ACTB: variants seen among roughly 807,000 people sequenced by gnomAD.
The protein encoded by ACTB is actin, cytoplasmic 1.
A neutral mutation model predicts 30.5 loss-of-function variants in ACTB; 2 were observed. The observed-to-expected ratio is 0.07, with a 90% CI of 0.03 to 0.21. The LOEUF is 0.21. Among genes scored for constraint, ACTB ranks in the 10% least tolerant of loss-of-function variants. ACTB has a pLI of 1.00. For missense variants in ACTB, 56 were observed against 530.0 expected (o/e 0.11, Z 8.78); for synonymous variants, 335 against 217.6 (o/e 1.54, Z -4.75).
chr7:5,528,663 T>C lies in ACTB; in HGVS notation c.420A>G (p.Leu140=), dbSNP rs13447405. The C allele has an allele frequency of 2.7e-4, 430 of 1,613,932 alleles. 1 individual carries two copies. In the African/African-American group the frequency reaches 4.7e-3, roughly 18 times the overall value. Residue 140 remains leucine (L), a synonymous_variant, in exon 4 of 6, where the codon CTA becomes CTG. Transcript: ENST00000646664. The part of the protein sequence containing the change: ...PAMYVAIQAV[L]SLYASGRTTG... ...TGGTACGGCCAGAGGCGTACAGGGA[T>C]AGCACAGCCTGGATAGCAACGTACA...
At position 5,528,526 on chromosome 7, in the gene ACTB, G is replaced by C. The variant is rs763125492; in HGVS notation, c.557C>G (p.Thr186Ser). Residue 186 changes from threonine (T) to serine (S), a missense_variant, in exon 4 of 6, where the codon ACT becomes AGT. Physicochemically the swap from Thr to Ser is moderately conservative, Grantham distance 58. Transcript: ENST00000646664. ...GGTGAGGATCTTCATGAGGTAGTCA[G>C]TCAGGTCCCGGCCAGCCAGGTCCAG... Reference protein sequence around the residue: ...LRLDLAGRDLTDYLMKILTER... With the variant: ...LRLDLAGRDLSDYLMKILTER... 1 of 1,614,064 alleles carries C rather than the reference G, an allele frequency of 6.2e-7. No individual in the cohort carries two copies. Among genetic ancestry groups the C allele is most frequent in the Non-Finnish European group, 8.5e-7 (1 of 1,180,040 alleles).
At chr7:5,528,791 C>A (rs1784818845) in intron 3 of ACTB, 72 bp from the exon 4 acceptor site, 2 of 1,555,128 alleles carry the variant, frequency 1.3e-6, no homozygotes, top group East Asian at 2.2e-5. Context: ...GGGGGACATG[C>A]AGAAAGTGCA....
intron 1 of ACTB, 101 bp from the exon 2 acceptor site, chr7:5,529,764 CCA>C: frequency 6.4e-7 from 1 of 1,570,942 alleles, no homozygotes. Flanking sequence ...CGGCGCGCGC[CCA>C]GATTGGGGAC....
Position 5,527,900 on chromosome 7 carries a change from G to T in ACTB, c.985-9C>A. 6.2e-7 allele frequency: 1 copy of T among 1,612,984 alleles called. No individual in the cohort carries two copies. The highest frequency in any genetic ancestry group is 8.5e-7 in the Non-Finnish European group (1 of 1,179,022). ...TCAGGAGGAGCAATGATCTGAGGAGGGAAGGGGACAGGCAGTGAGGACCCT... is the reference window on the plus strand; with the variant it reads ...TCAGGAGGAGCAATGATCTGAGGAGTGAAGGGGACAGGCAGTGAGGACCCT... On this transcript the variant is annotated splice_polypyrimidine_tract_variant and intron_variant, in intron 5 of 5. Coordinates refer to ENST00000646664, the MANE Select transcript of ACTB (RefSeq NM_001101.5).
At position 5,527,370 on chromosome 7, in the gene ACTB, C is replaced by T; in HGVS notation, c.*378G>A. The T allele has an allele frequency of 6.7e-6, 2 of 296,860 alleles. No individual in the cohort carries two copies. The highest frequency in any genetic ancestry group is 3.5e-5 in the South Asian group (1 of 28,878). 18.4% of individuals were successfully genotyped at this position (296,860 alleles called of 1,614,324 possible). On this transcript the variant is annotated 3_prime_UTR_variant, in exon 6 of 6. Transcript: ENST00000646664. ...AAAAAATTTTGCATTACATAATTTA[C>T]ACGAAAGCAATGCTATCACCTCCCC...
Position 5,527,729 on chromosome 7 carries a change from C to A in ACTB, c.*19G>T. ...GGTTTTGTCAAGAAAGGGTGTAACG[C>A]AACTAAGTCATAGTCCGCCTAGAAG... On this transcript the variant is annotated 3_prime_UTR_variant, in exon 6 of 6. Coordinates refer to ENST00000646664, the MANE Select transcript of ACTB (RefSeq NM_001101.5). The A allele has an allele frequency of 6.2e-7, 1 of 1,613,136 alleles. No homozygotes were observed. Among genetic ancestry groups the A allele is most frequent in the Non-Finnish European group, 8.5e-7 (1 of 1,179,970 alleles).
At position 5,527,344 on chromosome 7, in the gene ACTB, A is replaced by T. The variant is rs563211915; in HGVS notation, c.*404T>A. On this transcript the variant is annotated 3_prime_UTR_variant, in exon 6 of 6. Transcript: ENST00000646664. The stretch of plus-strand genomic sequence containing the variant: ...ATAAAAAAGTATTAAGGCGAAGATT[A>T]AAAAAATTTTGCATTACATAATTTA... The T allele has an allele frequency of 3.4e-4, 89 of 264,558 alleles. No individual in the cohort carries two copies. The highest frequency in any genetic ancestry group is 2.0e-3 in the African/African-American group (87 of 43,472). 16.4% of individuals were successfully genotyped at this position (264,558 alleles called of 1,614,324 possible).
At position 5,528,735 on chromosome 7, in the gene ACTB, A is replaced by G. The variant is rs852423; in HGVS notation, c.364-16T>C. 700,752 of 1,612,274 alleles carry G rather than the reference A, an allele frequency of 0.43. 157,988 individuals carry two copies. The highest frequency in any genetic ancestry group is 0.76 in the African/African-American group (56,724 of 74,964). ...CAAACATGATCTGTAAGGCAGAGAT[A>G]CACCATGTCACACTGGGGAAGCCAC... On this transcript the variant is annotated splice_polypyrimidine_tract_variant and intron_variant, in intron 3 of 5. Transcript: ENST00000646664.
chr7:5,529,437 G>A (rs1179087708), intron 2 of ACTB, 37 bp from the exon 3 acceptor site: 1 of 1,613,664 alleles, frequency 6.2e-7, no homozygotes, highest in Non-Finnish European at 8.5e-7. Context: ...GAGCACGGGC[G>A]CAGCCCCCAC....
chr7:5,529,862 C>T, intron 1 of ACTB, 199 bp from the exon 2 acceptor site: 3 of 895,794 alleles, frequency 3.3e-6, no homozygotes, highest in Admixed American at 2.1e-5. Flanking sequence ...GGAAGCCAGG[C>T]CCCAACCCCC....
Position 5,528,639 on chromosome 7 carries a change from G to C in ACTB, c.444C>G (p.Thr148=). 6.2e-7 allele frequency: 1 copy of C among 1,614,010 alleles called. No individual in the cohort carries two copies. The highest frequency in any genetic ancestry group is 1.6e-4 in the Middle Eastern group (1 of 6,062). Reference sequence around the variant, plus strand: ...CACCGGAGTCCATCACGATGCCAGTGGTACGGCCAGAGGCGTACAGGGATA... The same window carrying C: ...CACCGGAGTCCATCACGATGCCAGTCGTACGGCCAGAGGCGTACAGGGATA... The part of the protein sequence containing the change: ...AVLSLYASGR[T]TGIVMDSGDG... Residue 148 remains threonine, a synonymous_variant, in exon 4 of 6, where the codon ACC becomes ACG. Transcript: ENST00000646664.
intron 1 of ACTB, among the ~76,000 whole-genome samples, chr7:5,530,241 G>A (rs1784863097): frequency 6.6e-6 from 1 of 152,032 alleles, no homozygotes; most frequent in South Asian, 2.1e-4. Context: ...ATCCCCATTG[G>A]CAAGAGCCCG....
rs1367024737 is a variant in ACTB at position 5,529,263 on chromosome 7, G to A, written c.261C>T (p.His87=). 1 of 1,614,066 alleles carries A rather than the reference G, an allele frequency of 6.2e-7. No individual in the cohort carries two copies. The highest frequency in any genetic ancestry group is 8.5e-7 in the Non-Finnish European group (1 of 1,180,050). The change falls in exon 3 of 6, where the codon CAC becomes CAT. Residue 87 remains histidine (H), a synonymous_variant. Transcript: ENST00000646664. ...TNWDDMEKIW[H]HTFYNELRVA... The stretch of plus-strand genomic sequence containing the variant: ...CACGCAGCTCATTGTAGAAGGTGTG[G>A]TGCCAGATTTTCTCCATGTCGTCCC...
rs1166878564 is a variant in ACTB at position 5,527,431 on chromosome 7, TAGAG to T, written c.*313_*316del. ...TGGGAGAGGACTGGGCCATTCTCCT[TAGAG>T]AGAAGTGGGGTGGCTTTTAGGATGG... On this transcript the variant is annotated 3_prime_UTR_variant, in exon 6 of 6. Coordinates refer to ENST00000646664, the MANE Select transcript of ACTB (RefSeq NM_001101.5). The T allele has an allele frequency of 6.9e-5, 32 of 462,210 alleles. No individual in the cohort carries two copies. Among genetic ancestry groups the T allele is most frequent in the African/African-American group, 4.1e-4 (21 of 50,632 alleles). 28.6% of individuals were successfully genotyped at this position (462,210 alleles called of 1,614,324 possible). A position where few individuals can be genotyped will look rare whatever the true frequency, so the allele number is the denominator to read the frequency against.
intron 1 of ACTB, 128 bp from the exon 2 acceptor site, chr7:5,529,791 C>T: frequency 1.4e-6 from 2 of 1,465,122 alleles, no homozygotes; most frequent in South Asian, 1.2e-5. Context: ...GAAGCCGGGC[C>T]GGCCGCGTTA....
At chr7:5,529,724 G>A (rs1784843691) in intron 1 of ACTB, 61 bp from the exon 2 acceptor site, 7 of 1,607,996 alleles carry the variant, frequency 4.4e-6, no homozygotes, top group Non-Finnish European at 5.9e-6. Flanking sequence ...CACTTCCGGC[G>A]CGCCGAGTCC....
chr7:5,528,723 T>A lies in ACTB; in HGVS notation c.364-4A>T. The A allele has an allele frequency of 6.2e-7, 1 of 1,612,702 alleles. No individual in the cohort carries two copies. Among genetic ancestry groups the A allele is most frequent in the South Asian group, 1.1e-5 (1 of 91,076 alleles). On this transcript the variant is annotated splice_polypyrimidine_tract_variant and splice_region_variant and intron_variant, in intron 3 of 5. Transcript: ENST00000646664. ...TGTTGAAGGTCTCAAACATGATCTG[T>A]AAGGCAGAGATACACCATGTCACAC...
In ACTB at chr7:5,528,261, G is replaced by GGGAGACA. The variant is rs1784808148; in HGVS notation, c.802+13_802+19dup. The stretch of plus-strand genomic sequence containing the variant: ...GGTAACCCTCATGTCAGGCAGAGCC[G>GGGAGACA]GGAGACAGTCTCCACTCACCCAGGA... On this transcript the variant is annotated intron_variant, in intron 4 of 5. Transcript: ENST00000646664. 6.2e-7 allele frequency: 1 copy of GGGAGACA among 1,613,618 alleles called. No individual in the cohort carries two copies. The highest frequency in any genetic ancestry group is 8.5e-7 in the Non-Finnish European group (1 of 1,179,682).
chr7:5,529,409 G>A lies in ACTB; in HGVS notation c.124-9C>T, dbSNP rs377520149. 115 of 1,613,790 alleles carry A rather than the reference G, an allele frequency of 7.1e-5. No homozygotes were observed. Among genetic ancestry groups the A allele is most frequent in the Non-Finnish European group, 9.2e-5 (109 of 1,179,982 alleles). The stretch of plus-strand genomic sequence containing the variant: ...ATGCCCACCATCACGCCCTGGGAAG[G>A]AAAGGACAAGAAGCCCTGAGCACGG... On this transcript the variant is annotated splice_polypyrimidine_tract_variant and intron_variant, in intron 2 of 5. Coordinates refer to ENST00000646664, the MANE Select transcript of ACTB (RefSeq NM_001101.5).
Sources: allele counts gnomAD v4.1 joint callset (sites outside exome capture counted in the v4.1 genomes callset), GRCh38; gene constraint gnomAD v4.1.1; transcripts MANE v1.5; gene names NCBI Gene and HGNC (gene_info 2026-07-23, HGNC 2026-07-21).